SDHAF3: variants seen among roughly 807,000 people sequenced by gnomAD.
SDHAF3 encodes succinate dehydrogenase assembly factor 3, mitochondrial.
A neutral mutation model predicts 11.5 loss-of-function variants in SDHAF3; 18 were observed. The ratio of observed to expected loss-of-function variants is 1.56; its 90% CI spans 1.08 to 2.32. SDHAF3 has a LOEUF of 2.32. Ranked by LOEUF, SDHAF3 falls within the 30% of genes most tolerant of loss-of-function variation. The pLI is 0.00. For missense variants in SDHAF3, 200 were observed against 154.4 expected, an observed-to-expected ratio of 1.30 and a Z score of -1.57; for synonymous variants, 72 against 59.3, an observed-to-expected ratio of 1.21 and a Z score of -0.99.
chr7:97,119,144 G>A (rs920993391), intron 1 of SDHAF3, among the ~76,000 whole-genome samples: 3 of 152,122 alleles, frequency 2.0e-5, no homozygotes, highest in South Asian at 2.1e-4. Flanking sequence ...GTATGTAAAT[G>A]TATTTACAAG....
At chr7:97,157,619 A>G (rs1789324718) in intron 1 of SDHAF3, among the ~76,000 whole-genome samples, 1 of 152,160 alleles carries the variant, frequency 6.6e-6, no homozygotes, top group Non-Finnish European at 1.5e-5. Flanking sequence ...ATTACTGGGT[A>G]TATACCCAAA....
At chr7:97,169,267 G>A (rs572485548) in intron 1 of SDHAF3, among the ~76,000 whole-genome samples, 13 of 152,148 alleles carry the variant, frequency 8.5e-5, no homozygotes, top group African/African-American at 2.4e-4. Context: ...CTAAGATCGC[G>A]GCGCTGCACT....
At chr7:97,157,304 A>C (rs1048709357) in intron 1 of SDHAF3, among the ~76,000 whole-genome samples, 5 of 152,180 alleles carry the variant, frequency 3.3e-5, no homozygotes, top group Admixed American at 6.5e-5. Context: ...TTGCTGTGAC[A>C]GTTCCCTTCT....
At chr7:97,118,616 G>T (rs1274101731) in intron 1 of SDHAF3, among the ~76,000 whole-genome samples, 1 of 151,060 alleles carries the variant, frequency 6.6e-6, no homozygotes, top group Admixed American at 6.6e-5. Flanking sequence ...TCGGGGCCCT[G>T]CAGGATTGCC....
intron 1 of SDHAF3, among the ~76,000 whole-genome samples, chr7:97,160,236 TGAG>T (rs1264456203): frequency 7.3e-6 from 1 of 137,338 alleles, no homozygotes; most frequent in Non-Finnish European, 1.5e-5. Context: ...GTCTGGGAAG[TGAG>T]GAGCGCCCCT....
intron 1 of SDHAF3, among the ~76,000 whole-genome samples, chr7:97,157,688 T>G (rs972417471): frequency 6.6e-6 from 1 of 152,108 alleles, no homozygotes; most frequent in Non-Finnish European, 1.5e-5. Context: ...TGTGGCACTA[T>G]TCACAATAGC....
chr7:97,127,580 G>C, intron 1 of SDHAF3, among the ~76,000 whole-genome samples: 1 of 152,176 alleles, frequency 6.6e-6, no homozygotes, highest in African/African-American at 2.4e-5. Context: ...CCTATATTTA[G>C]AGTTTCCTTA....
intron 1 of SDHAF3, among the ~76,000 whole-genome samples, chr7:97,166,633 A>G (rs2695802): frequency 0.99 from 150,517 of 152,260 alleles, 74,423 homozygotes; most frequent in East Asian, 1. Flanking sequence ...GAATTCCAAA[A>G]GGAAGAAGGT....
chr7:97,144,872 C>T (rs560288898), intron 1 of SDHAF3, among the ~76,000 whole-genome samples: 10 of 151,434 alleles, frequency 6.6e-5, no homozygotes, highest in African/African-American at 2.0e-4. Flanking sequence ...GGGGATTGCA[C>T]GGAATTTGTA....
At chr7:97,129,477 A>C (rs528285024) in intron 1 of SDHAF3, among the ~76,000 whole-genome samples, 7 of 152,236 alleles carry the variant, frequency 4.6e-5, no homozygotes, top group Admixed American at 4.6e-4. Context: ...GTCATTATGG[A>C]TTATTCCTTT....
In SDHAF3 at chr7:97,117,755, C is replaced by A. The variant is rs767778052; in HGVS notation, c.32C>A (p.Ala11Glu). 3.1e-6 allele frequency: 5 copies of A among 1,614,054 alleles called. No individual in the cohort carries two copies. The highest frequency in any genetic ancestry group is 1.7e-4 in the Middle Eastern group (1 of 6,060). MPGRHVSRVR[A>E]LYKRVLQLHR... is the part of the protein sequence containing the mutation. ...GGGCGGCACGTTTCTCGAGTCCGGG[C>A]ATTGTACAAGCGCGTCTTGCAGCTG... The change falls in exon 1 of 2, where the codon GCA becomes GAA. Residue 11 changes from alanine (A) to glutamate (E), a missense_variant. Ala to Glu is a moderately radical substitution (Grantham distance 107). Transcript: ENST00000432641.
intron 1 of SDHAF3, among the ~76,000 whole-genome samples, chr7:97,161,586 C>A (rs1789410040): frequency 6.6e-6 from 1 of 152,118 alleles, no homozygotes; most frequent in Non-Finnish European, 1.5e-5. Flanking sequence ...CTCCCCTAGC[C>A]CCCCTCACCC....
intron 1 of SDHAF3, among the ~76,000 whole-genome samples, chr7:97,124,719 G>T (rs750357646): frequency 6.6e-6 from 1 of 152,186 alleles, no homozygotes; most frequent in African/African-American, 2.4e-5. Flanking sequence ...TGTGTCTCTT[G>T]TAAGTTGTAT....
At chr7:97,157,124 T>TG (rs1231471485) in intron 1 of SDHAF3, among the ~76,000 whole-genome samples, 1 of 152,222 alleles carries the variant, frequency 6.6e-6, no homozygotes, top group Non-Finnish European at 1.5e-5. Flanking sequence ...TGGATTGCCT[T>TG]GCTGTGTATA....
At chr7:97,146,760 A>C (rs1789140825) in intron 1 of SDHAF3, among the ~76,000 whole-genome samples, 1 of 151,734 alleles carries the variant, frequency 6.6e-6, no homozygotes, top group Non-Finnish European at 1.5e-5. Flanking sequence ...AATTATAAAT[A>C]GTTAAGCCCA....
Position 97,181,132 on chromosome 7 carries a change from G to A in SDHAF3, c.295G>A (p.Gly99Arg). The A allele has an allele frequency of 6.2e-7, 1 of 1,613,904 alleles. No individual in the cohort carries two copies. Among genetic ancestry groups the A allele is most frequent in the Non-Finnish European group, 8.5e-7 (1 of 1,179,920 alleles). ...TAATGACTTTCGTGATGAACAAATT[G>A]GACAGTTGCAGGAGCTGATGCAAGA... ...KLNDFRDEQIGQLQELMQEAT... is the reference protein window; with the variant it reads ...KLNDFRDEQIRQLQELMQEAT... Residue 99 changes from glycine to arginine, a missense_variant, in exon 2 of 2, where the codon GGA becomes AGA. Physicochemically the swap from Gly to Arg is moderately radical, Grantham distance 125. Transcript: ENST00000432641.
At chr7:97,158,766 A>G (rs1789349479) in intron 1 of SDHAF3, among the ~76,000 whole-genome samples, 1 of 152,230 alleles carries the variant, frequency 6.6e-6, no homozygotes, top group Non-Finnish European at 1.5e-5. Flanking sequence ...CTGTGATAAA[A>G]TAGGACTAAC....
At chr7:97,167,966 C>A (rs920163247) in intron 1 of SDHAF3, among the ~76,000 whole-genome samples, 17 of 152,186 alleles carry the variant, frequency 1.1e-4, no homozygotes, top group Admixed American at 1.0e-3. Context: ...CTTGCCTGGG[C>A]ATGCCCACAG....
intron 1 of SDHAF3, among the ~76,000 whole-genome samples, chr7:97,129,035 G>A (rs1177593905): frequency 6.6e-6 from 1 of 152,114 alleles, no homozygotes. Context: ...ATTAATTAGT[G>A]TAGAAGGGCT....
Sources: allele counts gnomAD v4.1 joint callset (sites outside exome capture counted in the v4.1 genomes callset), GRCh38; gene constraint gnomAD v4.1.1; transcripts MANE v1.5; gene names NCBI Gene and HGNC (gene_info 2026-07-23, HGNC 2026-07-21).